TMEM87A: variants seen among roughly 807,000 people sequenced by gnomAD.
The protein encoded by TMEM87A is transmembrane protein 87A.
In TMEM87A, 50 loss-of-function variants were observed where a neutral mutation model predicts 90.0. That is an observed-to-expected ratio of 0.56 (90% CI 0.44 to 0.70). The LOEUF (loss-of-function observed/expected upper bound fraction) is 0.70. TMEM87A is among the 30% of genes least tolerant of loss of function. The pLI, the probability that TMEM87A is intolerant of heterozygous loss-of-function variation, is 0.00. For synonymous variants in TMEM87A, 226 were observed against 226.7 expected (o/e 1.00, Z 0.03); for missense variants, 577 against 660.5 (o/e 0.87, Z 1.39).
chr15:42,242,604 G>A (rs553380415), intron 7 of TMEM87A, among the ~76,000 whole-genome samples: 8 of 152,104 alleles, frequency 5.3e-5, no homozygotes, highest in African/African-American at 1.7e-4. Context: ...GAGAATATGC[G>A]TGTGTGTGTC....
chr15:42,235,528 C>T (rs1037993591), intron 10 of TMEM87A, among the ~76,000 whole-genome samples: 3 of 152,172 alleles, frequency 2.0e-5, no homozygotes, highest in African/African-American at 7.2e-5. Flanking sequence ...TTTATCAGAT[C>T]AAAACAATTG....
rs569931617 is a variant in TMEM87A at position 42,212,505 on chromosome 15, C to A, written c.1627-756G>T. Among the ~76,000 whole-genome samples the A allele has an allele frequency of 3.9e-5, 6 of 152,290 alleles. No individual in the cohort carries two copies. In the East Asian group the frequency reaches 1.2e-3, roughly 29 times the overall value. On this transcript the variant is annotated intron_variant, in intron 19 of 19. Transcript: ENST00000389834. Reference sequence around the variant, plus strand: ...CACTCCATCCAAGCCTGGTGCCCAGCTGCCAACCTGAGAATTTCTTACATC... The same window carrying A: ...CACTCCATCCAAGCCTGGTGCCCAGATGCCAACCTGAGAATTTCTTACATC...
chr15:42,250,663 C>G (rs1216692779), intron 6 of TMEM87A, among the ~76,000 whole-genome samples: 2 of 152,206 alleles, frequency 1.3e-5, no homozygotes, highest in Non-Finnish European at 2.9e-5. Flanking sequence ...TCTGGCTGCC[C>G]TTAACATTTT....
intron 6 of TMEM87A, among the ~76,000 whole-genome samples, chr15:42,254,962 TCC>T (rs1356123014): frequency 1.0e-5 from 1 of 97,200 alleles, no homozygotes; most frequent in Non-Finnish European, 2.2e-5. Context: ...GTGGGAGGTC[TCC>T]TTTTTTTTTT....
At chr15:42,255,576 A>C (rs2140970540) in intron 6 of TMEM87A, among the ~76,000 whole-genome samples, 1 of 151,958 alleles carries the variant, frequency 6.6e-6, no homozygotes, top group Non-Finnish European at 1.5e-5. Flanking sequence ...TGTACCTTTT[A>C]CTCAATTCTG....
chr15:42,237,847 A>C (rs2050802099), intron 8 of TMEM87A, among the ~76,000 whole-genome samples: 1 of 152,152 alleles, frequency 6.6e-6, no homozygotes, highest in African/African-American at 2.4e-5. Context: ...ATACAGTCTT[A>C]ACAAGTTACA....
intron 13 of TMEM87A, 121 bp from the exon 14 acceptor site, chr15:42,227,890 C>CT: frequency 2.6e-6 from 2 of 771,250 alleles, no homozygotes; most frequent in Non-Finnish European, 4.5e-6. Flanking sequence ...CATCACAACT[C>CT]TATCAGTTAT....
chr15:42,245,691 AT>A (rs933190511), intron 6 of TMEM87A, among the ~76,000 whole-genome samples: 113 of 145,098 alleles, frequency 7.8e-4, no homozygotes, highest in Admixed American at 8.3e-4. Context: ...CACCCAGCTA[AT>A]TTTTTTTTTT....
chr15:42,251,020 C>T (rs2051074776), intron 6 of TMEM87A, among the ~76,000 whole-genome samples: 1 of 152,194 alleles, frequency 6.6e-6, no homozygotes, highest in Admixed American at 6.5e-5. Flanking sequence ...CTTTCTTCCA[C>T]TTGATCGAAT....
intron 7 of TMEM87A, among the ~76,000 whole-genome samples, chr15:42,243,512 ATTTTTTTTT>A (rs375255055): frequency 7.7e-6 from 1 of 129,580 alleles, no homozygotes; most frequent in African/African-American, 3.0e-5. Context: ...ATGTTAATTA[ATTTTTTTTT>A]TTTTTTTTTT....
intron 6 of TMEM87A, chr15:42,257,824 A>G (rs1265737784): frequency 2.8e-6 from 2 of 716,790 alleles, no homozygotes; most frequent in Non-Finnish European, 3.4e-6. Context: ...AGTAGTATTC[A>G]ATGTACCAAT....
At chr15:42,264,438 A>G (rs1014900510) in intron 3 of TMEM87A, among the ~76,000 whole-genome samples, 1 of 152,178 alleles carries the variant, frequency 6.6e-6, no homozygotes, top group African/African-American at 2.4e-5. Flanking sequence ...TCTACTAACA[A>G]TTCTGAGTAG....
chr15:42,240,940 C>T (rs2050855783), intron 7 of TMEM87A, among the ~76,000 whole-genome samples: 1 of 152,216 alleles, frequency 6.6e-6, no homozygotes, highest in Admixed American at 6.5e-5. Flanking sequence ...TTTGCTTACT[C>T]TATGCCTTGG....
rs2050607808 is a variant in TMEM87A, at chr15:42,227,002, T to C, written c.1300-93A>G. ...GCATAGAACAAAAATCACTTATTTG[T>C]TCATTCAAGTTATGTTTACTAAGAG... On this transcript the variant is annotated intron_variant, in intron 14 of 19. Transcript: ENST00000389834. The C allele has an allele frequency of 3.3e-6, 4 of 1,215,172 alleles. No individual in the cohort carries two copies. In the African/African-American group the frequency reaches 6.0e-5, roughly 18 times the overall value. 75.3% of individuals were successfully genotyped at this position (1,215,172 alleles called of 1,614,324 possible).
intron 6 of TMEM87A, among the ~76,000 whole-genome samples, chr15:42,244,708 A>AC (rs2050939589): frequency 6.9e-6 from 1 of 145,064 alleles, no homozygotes; most frequent in African/African-American, 2.6e-5. Flanking sequence ...AAGAGTCACT[A>AC]CCCCTCAAAG....
intron 18 of TMEM87A, 182 bp from the exon 19 acceptor site, chr15:42,218,015 G>GA (rs72216306): frequency 0.028 from 18,576 of 652,300 alleles, 1,212 homozygotes; most frequent in African/African-American, 0.16. Context: ...AAATTGTATA[G>GA]AAAAAAAACG....
rs1388301822 is a variant in TMEM87A, at chr15:42,238,913, A to T, written c.684+757T>A. 7.2e-5 allele frequency among the ~76,000 whole-genome samples: 11 copies of T among 152,134 alleles called. No homozygotes were observed. The South Asian group carries it at 2.3e-3, about 31-fold the overall frequency. Reference sequence around the variant, plus strand: ...AAACTATTAAAGGGAAAGGAAGAAGAGAATAATCATGAACAAAGAAAATTG... The same window carrying T: ...AAACTATTAAAGGGAAAGGAAGAAGTGAATAATCATGAACAAAGAAAATTG... On this transcript the variant is annotated intron_variant, in intron 8 of 19. Coordinates refer to ENST00000389834, the MANE Select transcript of TMEM87A (RefSeq NM_015497.5).
intron 6 of TMEM87A, among the ~76,000 whole-genome samples, chr15:42,252,189 C>T (rs534256356): frequency 4.5e-4 from 68 of 152,352 alleles, no homozygotes; most frequent in African/African-American, 1.6e-3. Context: ...AATCCCCCGA[C>T]CCCTTGCGCT....
chr15:42,265,534 C>G (rs1261195289), intron 3 of TMEM87A, among the ~76,000 whole-genome samples: 1 of 151,754 alleles, frequency 6.6e-6, no homozygotes, highest in Admixed American at 6.6e-5. Context: ...ATGTCCTTTA[C>G]CCACTTTTCT....
Sources: gnomAD v4.1 joint callset for allele counts (sites outside exome capture counted in the v4.1 genomes callset) on GRCh38, gnomAD v4.1.1 for gene constraint, MANE v1.5 for transcripts, NCBI Gene and HGNC (gene_info 2026-07-23, HGNC 2026-07-21) for gene names.